PLXDC2: variants seen among roughly 807,000 people sequenced by gnomAD.
PLXDC2 encodes the protein plexin domain containing 2.
PLXDC2 carries 40 observed loss-of-function variants against 68.9 expected under a neutral mutation model. The observed-to-expected ratio is 0.58, with a 90% confidence interval of 0.45 to 0.76. The LOEUF (loss-of-function observed/expected upper bound fraction) is 0.76, where lower values mean the gene tolerates loss of function less well. Among genes scored for constraint, PLXDC2 ranks in the 30% least tolerant of loss-of-function variants. The pLI is 0.00. For synonymous variants in PLXDC2, 243 were observed against 234.2 expected (o/e 1.04, Z -0.34); for missense variants, 644 against 661.9 (o/e 0.97, Z 0.30).
chr10:20,138,244 G>C lies in PLXDC2; in HGVS notation c.542-5051G>C, dbSNP rs776259094. 2.0e-5 allele frequency among the ~76,000 whole-genome samples: 3 copies of C among 152,276 alleles called. No individual in the cohort carries two copies. In the South Asian group the frequency reaches 6.2e-4, roughly 32 times the overall value. Reference sequence around the variant, plus strand: ...TTACCTATTTTACTTTAAAGTCGCAGTTTCCAAGAACCTGGAGATGTTAAG... The same window carrying C: ...TTACCTATTTTACTTTAAAGTCGCACTTTCCAAGAACCTGGAGATGTTAAG... On this transcript the variant is annotated intron_variant, in intron 4 of 13. Transcript: ENST00000377252.
intron 4 of PLXDC2, among the ~76,000 whole-genome samples, chr10:20,129,743 T>G (rs1292680092): frequency 1.3e-5 from 2 of 152,148 alleles, no homozygotes; most frequent in Admixed American, 6.6e-5. Context: ...ATATCTAGTT[T>G]TCTAACATTA....
chr10:19,912,215 T>G (rs1833285982), intron 1 of PLXDC2, among the ~76,000 whole-genome samples: 1 of 152,228 alleles, frequency 6.6e-6, no homozygotes, highest in Non-Finnish European at 1.5e-5. Context: ...GGGTTTTTTT[T>G]GCCTGTTTTT....
intron 9 of PLXDC2, among the ~76,000 whole-genome samples, chr10:20,189,528 CACACACATATATAT>C (rs1242885628): frequency 1.7e-5 from 1 of 60,184 alleles, no homozygotes; most frequent in African/African-American, 4.9e-5. Context: ...CATATATATA[CACACACATATATAT>C]ACACACACAC....
intron 13 of PLXDC2, among the ~76,000 whole-genome samples, chr10:20,265,187 C>G (rs993734008): frequency 4.6e-5 from 7 of 152,188 alleles, no homozygotes; most frequent in African/African-American, 1.7e-4. Context: ...AAATTATTAT[C>G]CATGTGGAGG....
At chr10:20,067,162 A>G (rs924995461) in intron 3 of PLXDC2, among the ~76,000 whole-genome samples, 9 of 152,200 alleles carry the variant, frequency 5.9e-5, no homozygotes, top group Middle Eastern at 6.3e-3. Context: ...AAAAAAATAG[A>G]CACTATATAC....
chr10:20,217,596 C>CTTTTTTTTTTTTT lies in PLXDC2; in HGVS notation c.1273+36_1273+48dup. ...CAGAAGGTACCCAAGAGATAGTTTG[C>CTTTTTTTTTTTTT]TTTTTTTTTTTTTTTTTTTTTTTTT... On this transcript the variant is annotated intron_variant, in intron 11 of 13. Coordinates refer to ENST00000377252, the MANE Select transcript of PLXDC2 (RefSeq NM_032812.9). The CTTTTTTTTTTTTT allele has an allele frequency of 3.1e-5, 24 of 783,766 alleles. No homozygotes were observed. Among genetic ancestry groups the CTTTTTTTTTTTTT allele is most frequent in the Non-Finnish European group, 3.6e-5 (23 of 647,402 alleles). 48.6% of individuals were successfully genotyped at this position (783,766 alleles called of 1,614,324 possible). A position where few individuals can be genotyped will look rare whatever the true frequency, so the allele number is the denominator to read the frequency against.
chr10:20,040,930 C>T (rs1008521397), intron 2 of PLXDC2, among the ~76,000 whole-genome samples: 12 of 152,022 alleles, frequency 7.9e-5, no homozygotes, highest in African/African-American at 2.4e-4. Context: ...TTGTACTTTC[C>T]GATTTATCTG....
chr10:19,843,579 C>A (rs1029705649), intron 1 of PLXDC2, among the ~76,000 whole-genome samples: 2 of 151,984 alleles, frequency 1.3e-5, no homozygotes, highest in African/African-American at 2.4e-5. Context: ...TGTATATACA[C>A]AATAGTTATC....
intron 1 of PLXDC2, among the ~76,000 whole-genome samples, chr10:19,933,684 GCACA>G (rs373123226): frequency 3.3e-5 from 5 of 150,130 alleles, no homozygotes; most frequent in African/African-American, 4.9e-5. Context: ...ACACACGCGT[GCACA>G]CACACACACA....
intron 1 of PLXDC2, among the ~76,000 whole-genome samples, chr10:19,830,482 T>G (rs138068991): frequency 8.3e-4 from 127 of 152,338 alleles, no homozygotes; most frequent in Admixed American, 2.0e-3. Flanking sequence ...CTTCCTCTCT[T>G]CCATACTCAT....
Position 20,275,180 on chromosome 10 carries a change from G to A in PLXDC2, c.1474-4523G>A, listed in dbSNP as rs75018688. On this transcript the variant is annotated intron_variant, in intron 13 of 13. Coordinates refer to ENST00000377252, the MANE Select transcript of PLXDC2 (RefSeq NM_032812.9). ...CCATGAAGGTGTGCCAGAGACACAA[G>A]GAAGCCTGAGGTTCAATATTTTTTT... Among the ~76,000 whole-genome samples the A allele has an allele frequency of 2.6e-3, 391 of 151,662 alleles. 1 individual carries two copies. The highest frequency in any genetic ancestry group is 9.1e-3 in the African/African-American group (377 of 41,320).
At chr10:20,214,105 A>G (rs1281184799) in intron 10 of PLXDC2, among the ~76,000 whole-genome samples, 7 of 152,120 alleles carry the variant, frequency 4.6e-5, no homozygotes, top group Non-Finnish European at 2.9e-5. Flanking sequence ...CACTTATTAC[A>G]TCTGCCAAGT....
chr10:20,256,862 G>A (rs1404909598), intron 13 of PLXDC2, among the ~76,000 whole-genome samples: 1 of 152,148 alleles, frequency 6.6e-6, no homozygotes, highest in Non-Finnish European at 1.5e-5. Flanking sequence ...TTGTAATTGT[G>A]ATTGTCAATT....
intron 1 of PLXDC2, among the ~76,000 whole-genome samples, chr10:19,958,970 T>A (rs1564639437): frequency 6.6e-6 from 1 of 152,206 alleles, no homozygotes; most frequent in Non-Finnish European, 1.5e-5. Flanking sequence ...TAACAGATCA[T>A]TAACCAGGTT....
chr10:20,126,208 CATAT>C (rs201046119), intron 4 of PLXDC2, among the ~76,000 whole-genome samples: 1 of 145,794 alleles, frequency 6.9e-6, no homozygotes, highest in Admixed American at 6.9e-5. Context: ...TATACACACA[CATAT>C]ATGTTATATA....
At chr10:20,138,822 A>C (rs955907766) in intron 4 of PLXDC2, among the ~76,000 whole-genome samples, 1 of 152,156 alleles carries the variant, frequency 6.6e-6, no homozygotes, top group Admixed American at 6.5e-5. Flanking sequence ...CTGAGACAGG[A>C]GGATCACTTG....
At chr10:20,228,833 G>C (rs932355565) in intron 12 of PLXDC2, among the ~76,000 whole-genome samples, 50 of 152,224 alleles carry the variant, frequency 3.3e-4, no homozygotes, top group African/African-American at 1.1e-3. Context: ...AGGAAGTAGT[G>C]AACAGTGTCA....
intron 4 of PLXDC2, among the ~76,000 whole-genome samples, chr10:20,105,443 T>C (rs1833479421): frequency 6.6e-6 from 1 of 152,036 alleles, no homozygotes; most frequent in Non-Finnish European, 1.5e-5. Flanking sequence ...GCATCCATAT[T>C]AATGGCAAAA....
At chr10:20,243,875 A>G (rs952802383) in intron 12 of PLXDC2, among the ~76,000 whole-genome samples, 1 of 152,120 alleles carries the variant, frequency 6.6e-6, no homozygotes, top group Non-Finnish European at 1.5e-5. Context: ...ACTGGCCAAC[A>G]TGGTTTAACC....
Sources: allele counts gnomAD v4.1 joint callset (sites outside exome capture counted in the v4.1 genomes callset), GRCh38; gene constraint gnomAD v4.1.1; transcripts MANE v1.5; gene names NCBI Gene and HGNC (gene_info 2026-07-23, HGNC 2026-07-21).